The following ARB2A variants were observed in gnomAD, a reference collection of about 807,000 sequenced individuals.
The protein encoded by ARB2A is ARB2 cotranscriptional regulator A, also known as cotranscriptional regulator ARB2A.
the ARB2A span, among the ~76,000 whole-genome samples, chr5:93,916,547 A>C: frequency 6.6e-6 from 1 of 152,150 alleles, no homozygotes; most frequent in South Asian, 2.1e-4. Flanking sequence ...GTGTGAGGCA[A>C]AAGTAGAAAT....
At chr5:93,895,553 T>C in the ARB2A span, among the ~76,000 whole-genome samples, 1 of 152,190 alleles carries the variant, frequency 6.6e-6, no homozygotes, top group Non-Finnish European at 1.5e-5. Flanking sequence ...CTTTGTATAC[T>C]TTAATGGAAA....
the ARB2A span, chr5:93,805,298 C>A: frequency 1.0e-5 from 10 of 985,128 alleles, no homozygotes; most frequent in African/African-American, 1.4e-4. Context: ...TTTGGCAATT[C>A]CTTGCTCCTT....
the ARB2A span, among the ~76,000 whole-genome samples, chr5:94,091,607 C>G: frequency 4.6e-5 from 7 of 152,162 alleles, no homozygotes; most frequent in Non-Finnish European, 8.8e-5. Context: ...AAACATATGG[C>G]TCATCTCAAG....
the ARB2A span, among the ~76,000 whole-genome samples, chr5:93,630,420 A>C: frequency 6.6e-6 from 1 of 152,214 alleles, no homozygotes; most frequent in Non-Finnish European, 1.5e-5. Context: ...CAAGCCCTTT[A>C]AAGTTGAGAT....
chr5:94,023,997 A>G, the ARB2A span, among the ~76,000 whole-genome samples: 16,151 of 152,196 alleles, frequency 0.11, 984 homozygotes, highest in Middle Eastern at 0.16. Context: ...TTAACTGGTG[A>G]GCTTGAATCC....
the ARB2A span, among the ~76,000 whole-genome samples, chr5:93,979,950 T>C: frequency 6.6e-6 from 1 of 152,144 alleles, no homozygotes; most frequent in Admixed American, 6.5e-5. Context: ...TTAGAGAGAT[T>C]TACCCCATCT....
At chr5:94,106,030 C>G in the ARB2A span, among the ~76,000 whole-genome samples, 1 of 152,084 alleles carries the variant, frequency 6.6e-6, no homozygotes, top group East Asian at 1.9e-4. Context: ...TATAAAAACT[C>G]TAAAAGAAAA....
the ARB2A span, among the ~76,000 whole-genome samples, chr5:93,762,455 T>C: frequency 6.6e-6 from 1 of 152,134 alleles, no homozygotes; most frequent in Non-Finnish European, 1.5e-5. Flanking sequence ...GTATCAGTGA[T>C]GGAAGATCAA....
chr5:93,821,922 C>T, the ARB2A span, among the ~76,000 whole-genome samples: 23 of 147,416 alleles, frequency 1.6e-4, no homozygotes, highest in Non-Finnish European at 2.7e-4. Flanking sequence ...AAAAAAAAAA[C>T]GAAGATGAGA....
chr5:93,716,693 C>CAAAAAAA, the ARB2A span, among the ~76,000 whole-genome samples: 21 of 36,540 alleles, frequency 5.7e-4, no homozygotes, highest in East Asian at 9.8e-4. Context: ...ATAAGCTGTG[C>CAAAAAAA]AAAAAAAAAA....
At chr5:93,746,126 T>A in the ARB2A span, among the ~76,000 whole-genome samples, 15 of 152,174 alleles carry the variant, frequency 9.9e-5, no homozygotes, top group African/African-American at 3.6e-4. Context: ...TGATTGTCAA[T>A]CCTTTGTGTG....
chr5:93,997,339 A>G, the ARB2A span, among the ~76,000 whole-genome samples: 126 of 152,172 alleles, frequency 8.3e-4, no homozygotes, highest in Admixed American at 4.7e-3. Context: ...ACGTTAGCAT[A>G]GCACTAAGAC....
chr5:93,969,643 A>C, the ARB2A span, among the ~76,000 whole-genome samples: 1 of 152,120 alleles, frequency 6.6e-6, no homozygotes, highest in African/African-American at 2.4e-5. Flanking sequence ...TAAAACACAG[A>C]AATAAGGAAA....
the ARB2A span, among the ~76,000 whole-genome samples, chr5:93,700,931 A>G: frequency 6.6e-6 from 1 of 152,168 alleles, no homozygotes; most frequent in African/African-American, 2.4e-5. Context: ...ATAAATTTAC[A>G]ATGGTAACCA....
the ARB2A span, among the ~76,000 whole-genome samples, chr5:93,711,068 G>A: frequency 6.6e-6 from 1 of 152,028 alleles, no homozygotes; most frequent in Non-Finnish European, 1.5e-5. Context: ...TTTTACCACT[G>A]CACATTTTTG....
At chr5:93,811,392 G>A in the ARB2A span, among the ~76,000 whole-genome samples, 2 of 152,150 alleles carry the variant, frequency 1.3e-5, no homozygotes, top group Admixed American at 6.6e-5. Flanking sequence ...ACTAGTTTGA[G>A]TAATGAAAAA....
At chr5:93,684,344 A>C in the ARB2A span, among the ~76,000 whole-genome samples, 28,780 of 152,086 alleles carry the variant, frequency 0.19, 3,148 homozygotes, top group Middle Eastern at 0.28. Flanking sequence ...TTAGAATCTG[A>C]CTCATATTGT....
chr5:93,716,113 C>T, the ARB2A span, among the ~76,000 whole-genome samples: 4 of 152,208 alleles, frequency 2.6e-5, no homozygotes, highest in African/African-American at 4.8e-5. Context: ...GATGTATTTA[C>T]GAAGGAGGTT....
chr5:93,757,703 A>T, the ARB2A span, among the ~76,000 whole-genome samples: 30 of 152,326 alleles, frequency 2.0e-4, no homozygotes, highest in East Asian at 5.6e-3. Flanking sequence ...AGCTACCACT[A>T]CAGGAACTGC....
Sources: allele counts gnomAD v4.1 joint callset (sites outside exome capture counted in the v4.1 genomes callset), GRCh38; gene constraint gnomAD v4.1.1; transcripts MANE v1.5; gene names NCBI Gene and HGNC (gene_info 2026-07-23, HGNC 2026-07-21).